The following LARP1 variants were observed in gnomAD, a reference collection of about 807,000 sequenced individuals.
LARP1 encodes La ribonucleoprotein 1, translational regulator.
A neutral mutation model predicts 122.7 loss-of-function variants in LARP1; 36 were observed. The observed-to-expected ratio is 0.29, with a 90% CI of 0.22 to 0.39. LARP1 has a LOEUF of 0.39. Among genes scored for constraint, LARP1 ranks in the 10% least tolerant of loss-of-function variants. The pLI is 1.00. For missense variants in LARP1, 1,040 were observed against 1,403.6 expected, an observed-to-expected ratio of 0.74 and a Z score of 4.14; for synonymous variants, 539 against 528.7, an observed-to-expected ratio of 1.02 and a Z score of -0.27.
chr5:154,790,243 G>A lies in LARP1; in HGVS notation c.437-82G>A, dbSNP rs970690212. ...ACTTGCAGGTTGCTAGGTGGAGTGGGGACGGTGATGAGGGTGAGGAGCTGG... is the reference window on the plus strand; with the variant it reads ...ACTTGCAGGTTGCTAGGTGGAGTGGAGACGGTGATGAGGGTGAGGAGCTGG... On this transcript the variant is annotated intron_variant, in intron 1 of 18. Transcript: ENST00000518297. 4 of 1,169,412 alleles carry A rather than the reference G, an allele frequency of 3.4e-6. No individual in the cohort carries two copies. The African/African-American group carries it at 4.6e-5, about 13-fold the overall frequency. 72.4% of individuals were successfully genotyped at this position (1,169,412 alleles called of 1,614,324 possible).
chr5:154,803,236 C>G lies in LARP1; in HGVS notation c.2110-54C>G. The stretch of plus-strand genomic sequence containing the variant: ...TGCCAGTCTTGATTCCTTAAACAGG[C>G]TAGAGCAGCCTGCTTACTTACATCT... On this transcript the variant is annotated intron_variant, in intron 11 of 18. Transcript: ENST00000518297. The surrounding 1 kb of genome is among the most constrained non-coding windows in gnomAD (Gnocchi z 4.4). 1.2e-6 allele frequency: 2 copies of G among 1,612,916 alleles called. No individual in the cohort carries two copies. Among genetic ancestry groups the G allele is most frequent in the African/African-American group, 1.3e-5 (1 of 75,012 alleles).
Position 154,755,648 on chromosome 5 carries a change from T to G in LARP1, c.-110T>G, listed in dbSNP as rs1753799095. On this transcript the variant is annotated 5_prime_UTR_variant, in exon 1 of 19. Coordinates refer to ENST00000518297, the MANE Select transcript of LARP1 (RefSeq NM_033551.3). ...AACCCCGACCCTTCTCTGCAGGGAC[T>G]GGGGCCCAGCGCCCCGGAGGAAGGC... 3.0e-6 allele frequency: 3 copies of G among 987,320 alleles called. No homozygotes were observed. Among genetic ancestry groups the G allele is most frequent in the African/African-American group, 3.5e-5 (2 of 57,266 alleles). 61.2% of individuals were successfully genotyped at this position (987,320 alleles called of 1,614,324 possible).
intron 1 of LARP1, among the ~76,000 whole-genome samples, chr5:154,728,444 T>G (rs1254772604): frequency 6.6e-6 from 1 of 152,238 alleles, no homozygotes; most frequent in East Asian, 1.9e-4. Context: ...CATGATATTA[T>G]GGGGCATCTG....
chr5:154,689,734 A>G (rs1754104103), intron 1 of LARP1, among the ~76,000 whole-genome samples: 1 of 152,224 alleles, frequency 6.6e-6, no homozygotes. Flanking sequence ...CTAAATGGAT[A>G]AAATTAATAT....
Position 154,793,668 on chromosome 5 carries a change from C to T in LARP1, c.813C>T (p.Arg271=), listed in dbSNP as rs1483147640. The change falls in exon 5 of 19, where the codon CGC becomes CGT. Residue 271 remains arginine, a synonymous_variant. Transcript: ENST00000518297. ...PEVPREKLAS[R]PTRPPEPRHI... Reference sequence around the variant, plus strand: ...TGCCCAGAGAGAAACTGGCTTCACGCCCCACTCGCCCACCGGAGCCTAGAC... The same window carrying T: ...TGCCCAGAGAGAAACTGGCTTCACGTCCCACTCGCCCACCGGAGCCTAGAC... The T allele has an allele frequency of 5.0e-6, 8 of 1,613,990 alleles. No individual in the cohort carries two copies. The African/African-American group carries it at 8.0e-5, about 16-fold the overall frequency.
At chr5:154,706,102 C>A (rs1754933520) in intron 1 of LARP1, among the ~76,000 whole-genome samples, 1 of 151,932 alleles carries the variant, frequency 6.6e-6, no homozygotes. Flanking sequence ...TCCAGACCAG[C>A]CTGGCCAACA....
intron 1 of LARP1, among the ~76,000 whole-genome samples, chr5:154,749,137 G>T (rs2113501915): frequency 6.6e-6 from 1 of 152,298 alleles, no homozygotes; most frequent in Non-Finnish European, 1.5e-5. Context: ...TAGAGGCAGG[G>T]CCTGAGTCCA....
At chr5:154,790,838 A>C in intron 3 of LARP1, 128 bp downstream of exon 3, 2 of 835,810 alleles carry the variant, frequency 2.4e-6, no homozygotes, top group Non-Finnish European at 3.8e-6. Context: ...TTTCCCCCCA[A>C]CAGAGTTTCA....
Position 154,808,670 on chromosome 5 carries a change from G to C in LARP1, c.2843+67G>C. 5 of 1,514,236 alleles carry C rather than the reference G, an allele frequency of 3.3e-6. No individual in the cohort carries two copies. In the South Asian group the frequency reaches 5.0e-5, roughly 15 times the overall value. 93.8% of individuals were successfully genotyped at this position (1,514,236 alleles called of 1,614,324 possible). On this transcript the variant is annotated intron_variant, in intron 16 of 18. Coordinates refer to ENST00000518297, the MANE Select transcript of LARP1 (RefSeq NM_033551.3). Reference sequence around the variant, plus strand: ...ATGATGTGGGATCCCTAGTTGGTCTGCTTCCAGAACTGTAGTTGGAAATTC... The same window carrying C: ...ATGATGTGGGATCCCTAGTTGGTCTCCTTCCAGAACTGTAGTTGGAAATTC...
intron 1 of LARP1, among the ~76,000 whole-genome samples, chr5:154,700,091 G>A (rs866146772): frequency 1.9e-4 from 29 of 152,276 alleles, no homozygotes; most frequent in Middle Eastern, 3.4e-3. Context: ...ACTAGGGTGA[G>A]GGGAATGAGG....
At position 154,805,889 on chromosome 5, in the gene LARP1, C is replaced by G; in HGVS notation, c.2555C>G (p.Pro852Arg). 2 of 1,613,850 alleles carry G rather than the reference C, an allele frequency of 1.2e-6. No individual in the cohort carries two copies. The highest frequency in any genetic ancestry group is 2.2e-5 in the South Asian group (2 of 91,056). Residue 852 changes from proline (P) to arginine (R), a missense_variant, in exon 15 of 19, where the codon CCC becomes CGC. Pro to Arg is a moderately radical substitution (Grantham distance 103). This residue lies in a region of LARP1 where 26 missense variants were observed against 27.5 expected (regional missense o/e 0.94). Coordinates refer to ENST00000518297, the MANE Select transcript of LARP1 (RefSeq NM_033551.3). Reference protein sequence around the residue: ...RPRTASISSSPSEGTPTVGSY... With the variant: ...RPRTASISSSRSEGTPTVGSY... ...TTTTGTGGTTTCTGTAGCTCCAGCC[C>G]CTCAGAAGGGACGCCTACAGTTGGC...
chr5:154,774,734 C>T (rs1281337135), intron 1 of LARP1, among the ~76,000 whole-genome samples: 1 of 152,138 alleles, frequency 6.6e-6, no homozygotes, highest in African/African-American at 2.4e-5. Context: ...GCCATTGCCC[C>T]TCTGAGGTGC....
chr5:154,811,496 T>C lies in LARP1; in HGVS notation c.2954-17T>C. ...TTTATCCTCACCAGCTCAGCTTTTC[T>C]GTACCTCTCCCTACAGGCCAACTGT... On this transcript the variant is annotated splice_polypyrimidine_tract_variant and intron_variant, in intron 17 of 18. Transcript: ENST00000518297. 1 of 1,614,232 alleles carries C rather than the reference T, an allele frequency of 6.2e-7. No homozygotes were observed. The highest frequency in any genetic ancestry group is 8.5e-7 in the Non-Finnish European group (1 of 1,180,018).
rs764187256 is a variant in LARP1, at chr5:154,756,113, C to T, written c.356C>T (p.Ala119Val). Residue 119 changes from alanine (A) to valine (V), a missense_variant, in exon 1 of 19, where the codon GCC becomes GTC. Coordinates refer to ENST00000518297, the MANE Select transcript of LARP1 (RefSeq NM_033551.3). ...GCGGGGCGCCGGGACTTCGTGGAAG[C>T]CCCCCCGCCCAAGGTGAACCCGTGG... ...AGAGRRDFVE[A>V]PPPKVNPWTK... The T allele has an allele frequency of 1.6e-6, 2 of 1,221,544 alleles. No homozygotes were observed. The highest frequency in any genetic ancestry group is 2.1e-6 in the Non-Finnish European group (2 of 953,458). The allele number at this position is 1,221,544 out of a possible 1,614,324, so 75.7% of individuals were successfully genotyped here.
chr5:154,807,495 G>T (rs2088015600), intron 15 of LARP1, among the ~76,000 whole-genome samples: 1 of 152,010 alleles, frequency 6.6e-6, no homozygotes, highest in South Asian at 2.1e-4. Context: ...GAGTCTTCTG[G>T]TTTTTCACAT....
intron 1 of LARP1, among the ~76,000 whole-genome samples, chr5:154,692,987 A>ATTT (rs1238912246): frequency 1.5e-5 from 1 of 65,596 alleles, no homozygotes; most frequent in African/African-American, 1.0e-4. Context: ...TTTAATTTTT[A>ATTT]ATTATTTTTT....
At chr5:154,801,911 G>C in intron 10 of LARP1, 96 bp from the exon 11 acceptor site, 1 of 1,208,290 alleles carries the variant, frequency 8.3e-7, no homozygotes, top group South Asian at 1.5e-5. Context: ...ACAGTCTTAT[G>C]TTGAGAGGCT....
chr5:154,693,621 C>T (rs928066642), intron 1 of LARP1, among the ~76,000 whole-genome samples: 4 of 152,002 alleles, frequency 2.6e-5, no homozygotes, highest in Admixed American at 6.6e-5. Context: ...TTTGGGAGGC[C>T]GAGGCGGGCG....
At chr5:154,754,813 C>A (rs1415054073), upstream of LARP1, among the ~76,000 whole-genome samples, 1 of 152,182 alleles carries the variant, frequency 6.6e-6, no homozygotes, top group African/African-American at 2.4e-5. Flanking sequence ...AGGGGCCAGG[C>A]CCGCCGGGCA....
Sources: gnomAD v4.1 joint callset for allele counts (sites outside exome capture counted in the v4.1 genomes callset) on GRCh38, gnomAD v4.1.1 for gene constraint, gnomAD v4.1.1 regional missense constraint, Gnocchi (gnomAD v3.1) non-coding constraint, MANE v1.5 for transcripts, NCBI Gene and HGNC (gene_info 2026-07-23, HGNC 2026-07-21) for gene names.